The following DOK7 variants were observed in gnomAD, a reference collection of about 807,000 sequenced individuals.
The protein encoded by DOK7 is protein Dok-7.
Under a neutral mutation model 30.7 loss-of-function variants are expected in DOK7, and 32 were observed. That is an observed-to-expected ratio of 1.04 (90% CI 0.79 to 1.40). The LOEUF is 1.40. DOK7 is among the 40% of genes most tolerant of loss of function. The probability of loss-of-function intolerance (pLI) is 0.00; values close to 1 mark genes in which losing one functional copy is unlikely to be tolerated. For synonymous variants in DOK7, 447 were observed against 324.1 expected (o/e 1.38, Z -4.07); for missense variants, 1,007 against 699.2 (o/e 1.44, Z -4.97).
chr4:3,500,685 C>A, intron 7 of DOK7: 2 of 1,535,826 alleles, frequency 1.3e-6, no homozygotes, highest in Non-Finnish European at 1.7e-6. Flanking sequence ...CTACAGAATT[C>A]TTTCAGGGGC....
In DOK7 at chr4:3,490,630, T is replaced by TC. The variant is rs1553849210; in HGVS notation, c.772+836dup. Among the ~76,000 whole-genome samples the TC allele has an allele frequency of 8.2e-3, 294 of 36,046 alleles. 5 individuals carry two copies. The highest frequency in any genetic ancestry group is 0.012 in the Non-Finnish European group (261 of 22,510). The allele number at this position is 36,046 out of a possible 152,430, so 23.6% of individuals were successfully genotyped here. ...TCCCTGCTCGTTCATTCCTTCCCTC[T>TC]CCGCCTGCTCGTTCATTTCCCTCCT... On this transcript the variant is annotated intron_variant, in intron 6 of 6. Coordinates refer to ENST00000340083, the MANE Select transcript of DOK7 (RefSeq NM_173660.5).
chr4:3,486,769 G>C (rs138595970), intron 5 of DOK7, among the ~76,000 whole-genome samples: 33 of 152,162 alleles, frequency 2.2e-4, no homozygotes, highest in African/African-American at 7.2e-4. Flanking sequence ...GCTGCAGGCA[G>C]GTGTGGATGG....
chr4:3,492,339 C>T (rs376459826), intron 6 of DOK7, among the ~76,000 whole-genome samples: 5 of 151,894 alleles, frequency 3.3e-5, no homozygotes, highest in Non-Finnish European at 2.9e-5. Flanking sequence ...GGGGAAGGGA[C>T]GTCCAGACCA....
chr4:3,483,429 G>T (rs1186619105), intron 4 of DOK7, among the ~76,000 whole-genome samples: 1 of 152,190 alleles, frequency 6.6e-6, no homozygotes, highest in Non-Finnish European at 1.5e-5. Context: ...GACCTTGGCA[G>T]ACCAGCATTG....
rs372542718 is a variant in DOK7, at chr4:3,494,337, G to C, written c.*836G>C. 3.0e-6 allele frequency: 3 copies of C among 985,788 alleles called. No homozygotes were observed. The highest frequency in any genetic ancestry group is 3.6e-6 in the Non-Finnish European group (3 of 830,200). The allele number at this position is 985,788 out of a possible 1,614,324, so 61.1% of individuals were successfully genotyped here. On this transcript the variant is annotated 3_prime_UTR_variant, in exon 7 of 7. Coordinates refer to ENST00000340083, the MANE Select transcript of DOK7 (RefSeq NM_173660.5). The stretch of plus-strand genomic sequence containing the variant: ...TGTTGGGCCCATTGTCCCCCGCCCT[G>C]GGTGGCTTCCTCTTGCACAGCCTGG...
chr4:3,497,349 T>C (rs1225927462), downstream of DOK7, among the ~76,000 whole-genome samples: 1 of 151,894 alleles, frequency 6.6e-6, no homozygotes, highest in Non-Finnish European at 1.5e-5. Flanking sequence ...GGTGAGCGAC[T>C]CGGCGAAGGG....
At chr4:3,463,701 G>A (rs1387291055) in intron 2 of DOK7, 150 bp downstream of exon 2, 13 of 1,030,818 alleles carry the variant, frequency 1.3e-5, no homozygotes, top group South Asian at 2.9e-5. Flanking sequence ...ACCCCCCGGC[G>A]CCCCTGGGAG....
intron 4 of DOK7, among the ~76,000 whole-genome samples, chr4:3,481,440 A>AG (rs369480280): frequency 1.1e-4 from 16 of 150,564 alleles, no homozygotes; most frequent in African/African-American, 2.7e-4. Flanking sequence ...CGGCCCGGGA[A>AG]GGGGGGGCCT....
chr4:3,483,013 C>T (rs553876944), intron 4 of DOK7, among the ~76,000 whole-genome samples: 42 of 150,152 alleles, frequency 2.8e-4, no homozygotes, highest in African/African-American at 5.6e-4. Context: ...TGAAAGGTGT[C>T]GTTATGTGGC....
chr4:3,488,989 G>C (rs147025632), intron 5 of DOK7, among the ~76,000 whole-genome samples: 1 of 152,226 alleles, frequency 6.6e-6, no homozygotes, highest in Admixed American at 6.5e-5. Flanking sequence ...TCGCAGCAGC[G>C]GTGCTGAGGG....
chr4:3,488,761 G>A (rs996961240), intron 5 of DOK7, among the ~76,000 whole-genome samples: 4 of 151,708 alleles, frequency 2.6e-5, no homozygotes, highest in Non-Finnish European at 4.4e-5. Flanking sequence ...GGAGCAGGAC[G>A]GGGTCGGTTT....
chr4:3,483,571 C>T (rs957704173), intron 4 of DOK7, among the ~76,000 whole-genome samples: 11 of 152,210 alleles, frequency 7.2e-5, no homozygotes, highest in African/African-American at 9.7e-5. Context: ...AGGCCTTGCC[C>T]GGTTGACCGT....
chr4:3,478,643 G>T (rs879766296), intron 4 of DOK7, among the ~76,000 whole-genome samples: 2 of 152,238 alleles, frequency 1.3e-5, no homozygotes, highest in African/African-American at 4.8e-5. Flanking sequence ...GAATGTTCTC[G>T]TCCCCGGTGG....
chr4:3,473,774 T>G, intron 3 of DOK7, 138 bp downstream of exon 3: 1 of 865,060 alleles, frequency 1.2e-6, no homozygotes, highest in South Asian at 1.8e-5. Flanking sequence ...TGCCTTAGGG[T>G]GGACTGAGCT....
Position 3,491,411 on chromosome 4 carries a change from C to A in DOK7, c.773-1348C>A, listed in dbSNP as rs57399801. ...ATTCCTTCCTGCTCACCCCAGCTTC[C>A]TTCTTTCCTTCTTCCCCTGCTCATT... is the stretch of plus-strand genomic sequence containing the variant. On this transcript the variant is annotated intron_variant, in intron 6 of 6. Transcript: ENST00000340083. Among the ~76,000 whole-genome samples, 101 of 45,768 alleles carry A rather than the reference C, an allele frequency of 2.2e-3. 1 individual carries two copies. In the South Asian group the frequency reaches 0.037, roughly 17 times the overall value. 30.0% of individuals were successfully genotyped at this position (45,768 alleles called of 152,430 possible). A position where few individuals can be genotyped will look rare whatever the true frequency, so the allele number is the denominator to read the frequency against.
intron 4 of DOK7, among the ~76,000 whole-genome samples, chr4:3,478,524 GCAAAC>G (rs778047323): frequency 0.15 from 15,345 of 103,510 alleles, 966 homozygotes; most frequent in East Asian, 0.23. Context: ...CTGAAAACCT[GCAAAC>G]CGGGCTGGCC....
chr4:3,465,656 C>A (rs921732535), intron 2 of DOK7, among the ~76,000 whole-genome samples: 2 of 152,250 alleles, frequency 1.3e-5, no homozygotes, highest in African/African-American at 4.8e-5. Context: ...AAAGGGAAAC[C>A]CTTTTATCAA....
chr4:3,490,126 T>TTCACC (rs1560225808), intron 6 of DOK7, among the ~76,000 whole-genome samples: 1 of 114,452 alleles, frequency 8.7e-6, no homozygotes, highest in African/African-American at 3.2e-5. Flanking sequence ...ATTCCTTTTC[T>TTCACC]CCCTGCTCAT....
intron 6 of DOK7, 130 bp from the exon 7 acceptor site, chr4:3,492,629 G>T: frequency 7.6e-7 from 1 of 1,314,292 alleles, no homozygotes; most frequent in African/African-American, 1.5e-5. Flanking sequence ...GTAGGCCCCG[G>T]GGCTTGGGGG....
Sources: allele counts gnomAD v4.1 joint callset (sites outside exome capture counted in the v4.1 genomes callset), GRCh38; gene constraint gnomAD v4.1.1; transcripts MANE v1.5; gene names NCBI Gene and HGNC (gene_info 2026-07-23, HGNC 2026-07-21).